Variants in MOB3B observed in about 807,000 individuals in gnomAD.
MOB3B encodes the protein MOB kinase activator-like 2B.
Under a neutral mutation model 18.7 loss-of-function variants are expected in MOB3B, and 7 were observed. The ratio of observed to expected loss-of-function variants is 0.37; its 90% CI spans 0.21 to 0.70. The LOEUF is 0.70. Ranked by LOEUF, MOB3B falls within the 30% of genes least tolerant of loss-of-function variation. MOB3B has a pLI of 0.52. For synonymous variants in MOB3B, 111 were observed against 99.9 expected (o/e 1.11, Z -0.66); for missense variants, 253 against 281.3 (o/e 0.90, Z 0.72).
In MOB3B at chr9:27,477,806, G is replaced by A. The variant is rs908743408; in HGVS notation, c.-198-22058C>T. 5.9e-5 allele frequency among the ~76,000 whole-genome samples: 9 copies of A among 152,228 alleles called. No homozygotes were observed. The East Asian group carries it at 1.7e-3, about 29-fold the overall frequency. ...GCAAATACTGCTATCACCCAGAGGG[G>A]TGTTGAATCTGGATACAGCTGCTTA... On this transcript the variant is annotated intron_variant, in intron 1 of 3. Coordinates refer to ENST00000262244, the MANE Select transcript of MOB3B (RefSeq NM_024761.5).
rs9987638 is a variant in MOB3B, at chr9:27,516,440, C to T, written c.-199+13115G>A. ...ATAGCCCAAAGAGTTTGACCATACT[C>T]TTCAATGAATTAATTCTTCTTTCTG... On this transcript the variant is annotated intron_variant, in intron 1 of 3. Transcript: ENST00000262244. Among the ~76,000 whole-genome samples, 96 of 152,280 alleles carry T rather than the reference C, an allele frequency of 6.3e-4. 1 individual carries two copies. The highest frequency in any genetic ancestry group is 2.3e-3 in the African/African-American group (94 of 41,556).
chr9:27,362,695 A>G (rs185572417), intron 2 of MOB3B, among the ~76,000 whole-genome samples: 8 of 152,328 alleles, frequency 5.3e-5, no homozygotes, highest in African/African-American at 9.6e-5. Context: ...AGCCCTCAGG[A>G]GCCTAGGAAA....
chr9:27,467,732 C>T (rs949399862), intron 1 of MOB3B, among the ~76,000 whole-genome samples: 2 of 152,378 alleles, frequency 1.3e-5, no homozygotes, highest in Non-Finnish European at 2.9e-5. Context: ...TGCGAAGTGC[C>T]TGCTTTCAAG....
At chr9:27,386,907 C>T (rs906577587) in intron 2 of MOB3B, among the ~76,000 whole-genome samples, 4 of 152,206 alleles carry the variant, frequency 2.6e-5, no homozygotes, top group Non-Finnish European at 5.9e-5. Flanking sequence ...CCTCCTAAGG[C>T]ATGTGAACGC....
intron 1 of MOB3B, among the ~76,000 whole-genome samples, chr9:27,494,718 T>G (rs1381578178): frequency 1.3e-5 from 2 of 152,082 alleles, no homozygotes; most frequent in Non-Finnish European, 2.9e-5. Context: ...TTTCACCATT[T>G]TGGCCAGGCT....
intron 1 of MOB3B, among the ~76,000 whole-genome samples, chr9:27,485,834 A>G (rs1250538620): frequency 6.6e-6 from 1 of 152,242 alleles, no homozygotes; most frequent in Non-Finnish European, 1.5e-5. Flanking sequence ...TAATGATGTT[A>G]AGTCCTGTAT....
intron 3 of MOB3B, among the ~76,000 whole-genome samples, chr9:27,352,390 A>AG (rs1331578536): frequency 5.9e-5 from 9 of 151,862 alleles, no homozygotes; most frequent in Non-Finnish European, 1.3e-4. Context: ...AAAAAAAAAA[A>AG]AGTAACAAGT....
intron 1 of MOB3B, among the ~76,000 whole-genome samples, chr9:27,483,808 T>TATTA (rs1819698069): frequency 6.6e-6 from 1 of 152,160 alleles, no homozygotes; most frequent in Non-Finnish European, 1.5e-5. Flanking sequence ...AGAGAGCTGG[T>TATTA]ATTAATAGGA....
At chr9:27,494,065 T>C (rs1333568971) in intron 1 of MOB3B, among the ~76,000 whole-genome samples, 1 of 152,204 alleles carries the variant, frequency 6.6e-6, no homozygotes, top group Admixed American at 6.5e-5. Flanking sequence ...CTGTCTCTTA[T>C]GGTTGAGACT....
chr9:27,524,176 C>T, intron 1 of MOB3B: 1 of 278,120 alleles, frequency 3.6e-6, no homozygotes, highest in Non-Finnish European at 6.3e-6. Flanking sequence ...AAAAAAGCCT[C>T]AGAGGCAAAG....
At chr9:27,498,087 C>A (rs1421241083) in intron 1 of MOB3B, among the ~76,000 whole-genome samples, 1 of 152,172 alleles carries the variant, frequency 6.6e-6, no homozygotes, top group Non-Finnish European at 1.5e-5. Flanking sequence ...CCTGCACTGT[C>A]ACTTCCCGGC....
At position 27,407,718 on chromosome 9, in the gene MOB3B, A is replaced by G. The variant is rs189116787; in HGVS notation, c.418+47415T>C. The stretch of plus-strand genomic sequence containing the variant: ...TCTCTTCTGCAGAAAATGAAACCAG[A>G]AACTCCCAGGCTTATGAAGGAGAGG... On this transcript the variant is annotated intron_variant, in intron 2 of 3. Coordinates refer to ENST00000262244, the MANE Select transcript of MOB3B (RefSeq NM_024761.5). Among the ~76,000 whole-genome samples the G allele has an allele frequency of 7.8e-4, 118 of 152,240 alleles. 1 individual carries two copies. Among genetic ancestry groups the G allele is most frequent in the Admixed American group, 8.5e-4 (13 of 15,286 alleles).
intron 2 of MOB3B, among the ~76,000 whole-genome samples, chr9:27,423,556 A>G (rs544677706): frequency 5.3e-5 from 8 of 152,104 alleles, no homozygotes; most frequent in East Asian, 1.9e-4. Context: ...TTAAAGAGGG[A>G]AAAAAAATCA....
chr9:27,454,664 T>A (rs1265023537), intron 2 of MOB3B, among the ~76,000 whole-genome samples: 2 of 152,184 alleles, frequency 1.3e-5, no homozygotes. Flanking sequence ...GGAGGAGAAT[T>A]TCAGGATCTC....
At chr9:27,390,020 A>G (rs1200782093) in intron 2 of MOB3B, among the ~76,000 whole-genome samples, 4 of 152,152 alleles carry the variant, frequency 2.6e-5, no homozygotes, top group Non-Finnish European at 5.9e-5. Flanking sequence ...AATTTCCTAA[A>G]TCACCAATTT....
chr9:27,430,140 G>A (rs934874992), intron 2 of MOB3B, among the ~76,000 whole-genome samples: 2 of 152,110 alleles, frequency 1.3e-5, no homozygotes, highest in African/African-American at 4.8e-5. Context: ...CCTTGACCTG[G>A]TACTTTCATT....
chr9:27,514,210 T>C (rs1264000940), intron 1 of MOB3B, among the ~76,000 whole-genome samples: 1 of 152,128 alleles, frequency 6.6e-6, no homozygotes, highest in Non-Finnish European at 1.5e-5. Flanking sequence ...TCCAAGAGGA[T>C]AGCCCAGTAT....
chr9:27,515,782 C>T (rs1820222529), intron 1 of MOB3B, among the ~76,000 whole-genome samples: 1 of 152,138 alleles, frequency 6.6e-6, no homozygotes, highest in Non-Finnish European at 1.5e-5. Flanking sequence ...TTGCAAGATC[C>T]TCTCCCCATT....
intron 1 of MOB3B, among the ~76,000 whole-genome samples, chr9:27,514,707 T>C (rs1316904907): frequency 1.3e-5 from 2 of 152,176 alleles, no homozygotes; most frequent in African/African-American, 4.8e-5. Flanking sequence ...TTTTGGGCCA[T>C]GATGAAGAAA....
Sources: allele counts gnomAD v4.1 joint callset (sites outside exome capture counted in the v4.1 genomes callset), GRCh38; gene constraint gnomAD v4.1.1; transcripts MANE v1.5; gene names NCBI Gene and HGNC (gene_info 2026-07-23, HGNC 2026-07-21).